Variants in PLAC1 observed in about 807,000 individuals in gnomAD.
PLAC1 encodes placenta associated 1.
For missense variants in PLAC1, 136 were observed against 163.2 expected (o/e 0.83, Z 0.91); for synonymous variants, 68 against 62.1 (o/e 1.09, Z -0.44).
At chrX:134,655,170 A>G (rs951761480) in intron 1 of PLAC1, among the ~76,000 whole-genome samples, 4 of 111,430 alleles carry the variant, frequency 3.6e-5, no homozygotes, top group African/African-American at 1.3e-4. Context: ...GTTTTTTACA[A>G]TGTTCATGCA....
chrX:134,570,721 A>G (rs1310339395), intron 2 of PLAC1, among the ~76,000 whole-genome samples: 1 of 111,950 alleles, frequency 8.9e-6, no homozygotes, highest in Non-Finnish European at 1.9e-5. Flanking sequence ...AGCTTCTAAT[A>G]ACACCTGGAT....
chrX:134,739,434 C>T (rs2078711592), intron 1 of PLAC1, among the ~76,000 whole-genome samples: 1 of 112,412 alleles, frequency 8.9e-6, no homozygotes, highest in Non-Finnish European at 1.9e-5. Context: ...TATGCCTACA[C>T]TAGTGAGGAT....
Position 134,566,203 on chromosome X carries a change from G to A in PLAC1, c.480C>T (p.Asn160=), listed in dbSNP as rs1355124742. The A allele has an allele frequency of 8.3e-7, 1 of 1,211,860 alleles. No homozygotes were observed. The highest frequency in any genetic ancestry group is 2.2e-5 in the Admixed American group (1 of 46,053). ...TGAAGACACAAGGTGGACAATCGCA[G>A]TTGGGCCTTTGACTGGACTGTGACA... ...FSLSQSSQRP[N]CDCPPCVFSE... is the part of the protein sequence containing the mutation. Residue 160 remains asparagine, a synonymous_variant, in exon 3 of 3, where the codon AAC becomes AAT. Transcript: ENST00000359237.
intron 2 of PLAC1, among the ~76,000 whole-genome samples, chrX:134,571,707 C>T (rs956935592): frequency 1.8e-5 from 2 of 111,429 alleles, no homozygotes; most frequent in Non-Finnish European, 3.8e-5. Flanking sequence ...AGTTTTGTGA[C>T]GTTAGAGAGA....
chrX:134,589,625 G>T (rs1467296928), intron 2 of PLAC1, among the ~76,000 whole-genome samples: 1 of 107,736 alleles, frequency 9.3e-6, no homozygotes, highest in African/African-American at 3.4e-5. Flanking sequence ...TACTTGGGAG[G>T]CTGAGGCAGG....
chrX:134,590,665 G>C (rs1293695577), intron 2 of PLAC1, among the ~76,000 whole-genome samples: 6 of 111,320 alleles, frequency 5.4e-5, no homozygotes, highest in Non-Finnish European at 1.1e-4. Flanking sequence ...ACCCAGGCTG[G>C]AGTGTGATCT....
intron 2 of PLAC1, among the ~76,000 whole-genome samples, chrX:134,573,901 C>T (rs998296710): frequency 3.6e-5 from 4 of 111,438 alleles, no homozygotes; most frequent in African/African-American, 1.3e-4. Context: ...CATCATTTGG[C>T]TCCTGAGACG....
At chrX:134,675,915 C>T (rs1027249357) in intron 2 of PLAC1, among the ~76,000 whole-genome samples, 1 of 111,459 alleles carries the variant, frequency 9.0e-6, no homozygotes, top group African/African-American at 3.3e-5. Flanking sequence ...AGGTAGAATA[C>T]GGGCTCGCAG....
chrX:134,746,562 C>T (rs1440798505), intron 1 of PLAC1, among the ~76,000 whole-genome samples: 1 of 111,782 alleles, frequency 8.9e-6, no homozygotes, highest in Admixed American at 9.5e-5. Flanking sequence ...GACCCAATAC[C>T]TCTTCTGTCC....
chrX:134,593,248 G>GGTTCT (rs1003542584), intron 2 of PLAC1, among the ~76,000 whole-genome samples: 2 of 111,868 alleles, frequency 1.8e-5, no homozygotes, highest in East Asian at 2.8e-4. Context: ...ACTATTTCTG[G>GGTTCT]GTTCTGTTCT....
chrX:134,672,490 G>A (rs2078458981), intron 2 of PLAC1, among the ~76,000 whole-genome samples: 1 of 112,023 alleles, frequency 8.9e-6, no homozygotes, highest in African/African-American at 3.3e-5. Flanking sequence ...TCCTGTGGTA[G>A]CTGTACTAAA....
chrX:134,710,072 C>T lies in PLAC1; in HGVS notation n.174+23363G>A, dbSNP rs151239141. On this transcript the variant is annotated intron_variant and non_coding_transcript_variant, in intron 2 of 2. Coordinates refer to the PLAC1 transcript ENST00000466797. ...CCATATAGTGGGAGAAGACACTTGC[C>T]ACACATGTAATTGAAAAAGAAACAG... 3.6e-3 allele frequency among the ~76,000 whole-genome samples: 400 copies of T among 110,604 alleles called. 4 individuals carry two copies. Among genetic ancestry groups the T allele is most frequent in the African/African-American group, 0.012 (377 of 30,383 alleles).
chrX:134,609,123 C>T (rs1048297177), intron 1 of PLAC1, among the ~76,000 whole-genome samples: 5 of 110,957 alleles, frequency 4.5e-5, no homozygotes, highest in Middle Eastern at 4.6e-3. Context: ...TAGGCATGAG[C>T]CACCACACCT....
intron 2 of PLAC1, among the ~76,000 whole-genome samples, chrX:134,713,113 G>A (rs1365161521): frequency 1.8e-5 from 2 of 111,282 alleles, no homozygotes; most frequent in South Asian, 3.8e-4. Flanking sequence ...GCTCTCTCAT[G>A]CCTCTGCCCA....
intron 1 of PLAC1, among the ~76,000 whole-genome samples, chrX:134,604,819 T>C (rs1278711668): frequency 2.7e-5 from 3 of 111,450 alleles, no homozygotes; most frequent in African/African-American, 9.8e-5. Context: ...TCTTCCTTAG[T>C]GGAAACAACA....
chrX:134,677,160 G>A (rs181077245), intron 2 of PLAC1, among the ~76,000 whole-genome samples: 4 of 111,131 alleles, frequency 3.6e-5, no homozygotes, highest in African/African-American at 6.5e-5. Context: ...TGATTCCGAC[G>A]TCCACTCGCT....
At chrX:134,634,954 A>G (rs1029600456) in intron 1 of PLAC1, among the ~76,000 whole-genome samples, 8 of 111,645 alleles carry the variant, frequency 7.2e-5, no homozygotes, top group Non-Finnish European at 1.3e-4. Context: ...ACAGTTTTGC[A>G]AAGTGTCTGC....
At chrX:134,758,031 AAAG>A (rs758166322) in intron 1 of PLAC1, among the ~76,000 whole-genome samples, 15 of 111,628 alleles carry the variant, frequency 1.3e-4, no homozygotes, top group Non-Finnish European at 2.8e-4. Context: ...ACATGAAAGA[AAAG>A]AAGGCAATCC....
rs765895533 is a variant in PLAC1, at chrX:134,566,157, C to G, written c.526G>C (p.Val176Leu). The G allele has an allele frequency of 8.3e-6, 10 of 1,209,714 alleles. No individual in the cohort carries two copies. Among genetic ancestry groups the G allele is most frequent in the Middle Eastern group, 2.3e-4 (1 of 4,354 alleles). Residue 176 changes from valine (V) to leucine (L), a missense_variant, in exon 3 of 3, where the codon GTC (valine) becomes CTC (leucine). By Grantham distance (32) the Val-to-Leu change is conservative. Transcript: ENST00000359237. ...TGAGCCCCTGCTTGGTGACAAGGGA[C>G]CTGGGTATGCTCTTCTTCACTGAAG... is the stretch of plus-strand genomic sequence containing the variant. ...CVFSEEEHTQ[V>L]PCHQAGAQEA...
Sources: allele counts gnomAD v4.1 joint callset (sites outside exome capture counted in the v4.1 genomes callset), GRCh38; gene constraint gnomAD v4.1.1; transcripts MANE v1.5; gene names NCBI Gene and HGNC (gene_info 2026-07-23, HGNC 2026-07-21).